Variants in MYH10 observed in about 807,000 individuals in gnomAD.
MYH10 encodes myosin heavy chain 10.
A neutral mutation model predicts 257.8 loss-of-function variants in MYH10; 55 were observed. That is an observed-to-expected ratio of 0.21 (90% confidence interval 0.17 to 0.27). The LOEUF (loss-of-function observed/expected upper bound fraction) is 0.27, where lower values mean the gene tolerates loss of function less well. MYH10 is among the 10% of genes least tolerant of loss of function. MYH10 has a pLI of 1.00. For missense variants in MYH10, 1,631 were observed against 2,500.6 expected (o/e 0.65, Z 7.42); for synonymous variants, 854 against 921.7 (o/e 0.93, Z 1.33).
At chr17:8,565,505 C>T (rs141188297) in intron 7 of MYH10, among the ~76,000 whole-genome samples, 93 of 152,208 alleles carry the variant, frequency 6.1e-4, no homozygotes, top group African/African-American at 2.2e-3. Flanking sequence ...AAAAAAAATA[C>T]GTATCAATAA....
chr17:8,500,782 A>G lies in MYH10; in HGVS notation c.3744+44T>C, dbSNP rs575597678. The G allele has an allele frequency of 7.5e-6, 12 of 1,596,584 alleles. No individual in the cohort carries two copies. The South Asian group carries it at 1.2e-4, about 16-fold the overall frequency. ...AGATAGGATGGGAGTGGCTCTGACG[A>G]CAGACTTTCTCCAGGCCACAGCACA... On this transcript the variant is annotated intron_variant, in intron 29 of 42. Transcript: ENST00000360416.
Position 8,506,198 on chromosome 17 carries a change from CA to C in MYH10, c.3386+119del. The C allele has an allele frequency of 9.3e-7, 1 of 1,074,418 alleles. No homozygotes were observed. The highest frequency in any genetic ancestry group is 1.3e-6 in the Non-Finnish European group (1 of 777,110). The allele number at this position is 1,074,418 out of a possible 1,614,324, so 66.6% of individuals were successfully genotyped here. On this transcript the variant is annotated intron_variant, in intron 27 of 42. Coordinates refer to ENST00000360416, the MANE Select transcript of MYH10 (RefSeq NM_001256012.3). This position sits in a 1 kb window ranked among gnomAD's most constrained non-coding sequence, Gnocchi z 5.0. ...GGCTTTTCACTTTCTCAGGTCACAC[CA>C]AACAGCAAGCAAACCCCATCTCACT...
rs576860482 is a variant in MYH10 at position 8,481,868 on chromosome 17, G to A, written c.5176-458C>T. ...CAGTGCGGATCCAGGCAGCTGTGCC[G>A]CAACAAGGATCAATGCTCCCATGGA... On this transcript the variant is annotated intron_variant, in intron 37 of 42. Transcript: ENST00000360416. 5.9e-5 allele frequency among the ~76,000 whole-genome samples: 9 copies of A among 152,344 alleles called. No individual in the cohort carries two copies. The East Asian group carries it at 7.7e-4, about 13-fold the overall frequency.
intron 1 of MYH10, among the ~76,000 whole-genome samples, chr17:8,625,677 C>T (rs1466691711): frequency 1.3e-5 from 2 of 152,132 alleles, no homozygotes; most frequent in African/African-American, 4.8e-5. Context: ...GATGGGGTTT[C>T]ACCATGTTGG....
intron 2 of MYH10, among the ~76,000 whole-genome samples, chr17:8,616,719 G>A (rs191764322): frequency 2.2e-3 from 340 of 152,208 alleles, no homozygotes; most frequent in Non-Finnish European, 4.0e-3. Flanking sequence ...TACAGAATCA[G>A]TAAGATCCCA....
chr17:8,502,477 TA>T (rs1567808096), intron 28 of MYH10, among the ~76,000 whole-genome samples: 2 of 104,388 alleles, frequency 1.9e-5, no homozygotes, highest in Admixed American at 2.0e-4. Flanking sequence ...TTTGGGAAAA[TA>T]GTTGTGTGTG....
intron 23 of MYH10, 57 bp from the exon 24 acceptor site, chr17:8,512,714 T>C: frequency 2.1e-6 from 3 of 1,409,750 alleles, no homozygotes; most frequent in Non-Finnish European, 2.9e-6. Context: ...ACACAGTATA[T>C]ATTCGCCGTG....
intron 17 of MYH10, among the ~76,000 whole-genome samples, chr17:8,523,758 A>C (rs2081738851): frequency 6.6e-6 from 1 of 152,182 alleles, no homozygotes; most frequent in South Asian, 2.1e-4. Flanking sequence ...ACAGATCGAG[A>C]AGGAAGATTC....
chr17:8,525,621 A>G (rs4791718), intron 17 of MYH10, among the ~76,000 whole-genome samples: 80,459 of 152,164 alleles, frequency 0.53, 21,732 homozygotes, highest in Middle Eastern at 0.63. Flanking sequence ...ACTTTAGCCT[A>G]CACGGGCAGT....
At chr17:8,486,662 A>G (rs1914858043) in intron 36 of MYH10, among the ~76,000 whole-genome samples, 1 of 151,972 alleles carries the variant, frequency 6.6e-6, no homozygotes, top group Non-Finnish European at 1.5e-5. Context: ...GTCTGCCTAC[A>G]TGTCTGTATG....
At chr17:8,492,553 A>T in intron 33 of MYH10, 44 bp from the exon 34 acceptor site, 1 of 1,559,816 alleles carries the variant, frequency 6.4e-7, no homozygotes. Context: ...CGAAACAGTG[A>T]CATCAACTTT....
chr17:8,484,325 A>G, intron 36 of MYH10, 59 bp from the exon 37 acceptor site: 1 of 1,545,648 alleles, frequency 6.5e-7, no homozygotes, highest in Non-Finnish European at 8.7e-7. Context: ...GTTAAAATAA[A>G]ATTTTTTTAG....
chr17:8,532,989 C>T (rs564757497), intron 16 of MYH10, among the ~76,000 whole-genome samples: 7 of 152,268 alleles, frequency 4.6e-5, no homozygotes, highest in Admixed American at 4.6e-4. Flanking sequence ...CTTATAATGT[C>T]AGTAGTCCCA....
At chr17:8,482,357 C>T (rs1197744290) in intron 37 of MYH10, among the ~76,000 whole-genome samples, 1 of 152,254 alleles carries the variant, frequency 6.6e-6, no homozygotes, top group Non-Finnish European at 1.5e-5. Context: ...ACCTGCCTTA[C>T]ATGAGTGTAG....
chr17:8,623,139 C>T lies in MYH10; in HGVS notation c.108G>A (p.Val36=). The change falls in exon 2 of 43, where the codon GTG becomes GTA. Residue 36 remains valine (V), a synonymous_variant. Transcript: ENST00000360416. ...TQADWTAKKL[V]WIPSERHGFE... The stretch of plus-strand genomic sequence containing the variant: ...AACCATGGCGTTCTGATGGAATCCA[C>T]ACTAGCTTTTTAGCTGTCCAATCAG... 1.2e-6 allele frequency: 2 copies of T among 1,614,004 alleles called. No homozygotes were observed. Among genetic ancestry groups the T allele is most frequent in the Non-Finnish European group, 1.7e-6 (2 of 1,179,982 alleles).
rs144612217 is a variant in MYH10, at chr17:8,548,502, C to T, written c.1064-94G>A. 190 of 1,394,126 alleles carry T rather than the reference C, an allele frequency of 1.4e-4. No individual in the cohort carries two copies. The African/African-American group carries it at 2.4e-3, about 18-fold the overall frequency. The allele number at this position is 1,394,126 out of a possible 1,614,324, so 86.4% of individuals were successfully genotyped here. On this transcript the variant is annotated intron_variant, in intron 10 of 42. Coordinates refer to ENST00000360416, the MANE Select transcript of MYH10 (RefSeq NM_001256012.3). ...TATTTTGTGCTAAAAATTAGCTATA[C>T]AAAACTTTTCAGTAAGACATGTCTT...
intron 3 of MYH10, among the ~76,000 whole-genome samples, chr17:8,592,790 C>A (rs1597917115): frequency 1.4e-5 from 1 of 70,630 alleles, no homozygotes; most frequent in East Asian, 4.8e-4. Flanking sequence ...TTCTAAGAGA[C>A]AAACCTTACC....
In MYH10 at chr17:8,535,157, TG is replaced by T. The variant is rs2151932883; in HGVS notation, c.1894+229del. On this transcript the variant is annotated intron_variant, in intron 16 of 42. Transcript: ENST00000360416. This position sits in a 1 kb window ranked among gnomAD's most constrained non-coding sequence, Gnocchi z 4.3. Reference sequence around the variant, plus strand: ...TGTGGCTCCGGGCCTAGAATGTTTCTGTACTCCTACAACATCTGACCAAGAA... The same window carrying T: ...TGTGGCTCCGGGCCTAGAATGTTTCTTACTCCTACAACATCTGACCAAGAA... Among the ~76,000 whole-genome samples the T allele has an allele frequency of 6.6e-6, 1 of 152,350 alleles. No individual in the cohort carries two copies. Among genetic ancestry groups the T allele is most frequent in the South Asian group, 2.1e-4 (1 of 4,826 alleles).
intron 34 of MYH10, among the ~76,000 whole-genome samples, chr17:8,491,237 G>A (rs908751196): frequency 7.9e-5 from 12 of 152,222 alleles, no homozygotes; most frequent in Non-Finnish European, 1.6e-4. Flanking sequence ...TAGGACAGGA[G>A]GAAGGTCCAT....
Sources: allele counts gnomAD v4.1 joint callset (sites outside exome capture counted in the v4.1 genomes callset), GRCh38; gene constraint gnomAD v4.1.1; non-coding constraint Gnocchi (gnomAD v3.1); transcripts MANE v1.5; gene names NCBI Gene and HGNC (gene_info 2026-07-23, HGNC 2026-07-21).